CRYBG2: variants seen among roughly 807,000 people sequenced by gnomAD.
CRYBG2 encodes crystallin beta-gamma domain containing 2, also known as beta/gamma crystallin domain-containing protein 2.
Under a neutral mutation model 153.4 loss-of-function variants are expected in CRYBG2, and 106 were observed. The observed-to-expected ratio is 0.69, with a 90% CI of 0.59 to 0.81. CRYBG2 has a LOEUF of 0.81. Among genes scored for constraint, CRYBG2 ranks in the 30% least tolerant of loss-of-function variants. The pLI is 0.00. For synonymous variants in CRYBG2, 851 were observed against 877.8 expected, an observed-to-expected ratio of 0.97 and a Z score of 0.54; for missense variants, 1,996 against 2,112.0, an observed-to-expected ratio of 0.95 and a Z score of 1.08.
Position 26,344,668 on chromosome 1 carries a change from T to G in CRYBG2, c.1990A>C (p.Thr664Pro). The G allele has an allele frequency of 6.5e-7, 1 of 1,533,960 alleles. No homozygotes were observed. The highest frequency in any genetic ancestry group is 8.7e-7 in the Non-Finnish European group (1 of 1,145,544). Residue 664 changes from threonine to proline, a missense_variant, in exon 2 of 20, where the codon ACT becomes CCT. Transcript: ENST00000308182. ...SLAPPLTKEE[T>P]VQGPIAPATS... ...GCAGGAGCAATTGGGCCTTGAACAG[T>G]CTCTTCCTTGGTGAGGGGCGGGGCA... is the stretch of plus-strand genomic sequence containing the variant.
Position 26,331,564 on chromosome 1 carries a change from C to T in CRYBG2, c.4239G>A (p.Glu1413=), listed in dbSNP as rs1230193595. The change falls in exon 15 of 20, where the codon GAG becomes GAA. Residue 1413 remains glutamate, a synonymous_variant. Transcript: ENST00000308182. ...TGGCCGTGAGAGTGGGGAACTCGCC[C>T]TCAGAGAGAATGTGCTGGTCACCCT... is the stretch of plus-strand genomic sequence containing the variant. ...NFEGDQHILS[E]GEFPTLTAMG... 6.2e-7 allele frequency: 1 copy of T among 1,614,122 alleles called. No individual in the cohort carries two copies.
rs1032992275 is a variant in CRYBG2, at chr1:26,322,248, G to A, written c.4813C>T (p.Arg1605Cys). Reference sequence around the variant, plus strand: ...ATGCTCCACGTCTGGCGCGGCAGGCGGCTCTCGGCCCACAGCACCACCTTG... The same window carrying A: ...ATGCTCCACGTCTGGCGCGGCAGGCAGCTCTCGGCCCACAGCACCACCTTG... The part of the protein sequence containing the change: ...GSKVVLWAES[R>C]LPRQTWSISE... Residue 1605 changes from arginine to cysteine, a missense_variant, in exon 19 of 20, where the codon CGC becomes TGC. By Grantham distance (180) the Arg-to-Cys change is radical (BLOSUM62 -3). Coordinates refer to ENST00000308182, the MANE Select transcript of CRYBG2 (RefSeq NM_001039775.4). The A allele has an allele frequency of 9.9e-6, 16 of 1,613,940 alleles. No individual in the cohort carries two copies. Among genetic ancestry groups the A allele is most frequent in the African/African-American group, 2.7e-5 (2 of 74,916 alleles).
In CRYBG2 at chr1:26,344,503, G is replaced by T; in HGVS notation, c.2155C>A (p.Pro719Thr). 1 of 1,546,954 alleles carries T rather than the reference G, an allele frequency of 6.5e-7. No homozygotes were observed. The highest frequency in any genetic ancestry group is 8.7e-7 in the Non-Finnish European group (1 of 1,145,764). ...GGCACTGGGGCAGGGGTGCCTCCTG[G>T]GCTGGGGGACACCCTGTCCACTGAG... ...SSSVDRVSPS[P>T]GGTPAPVPTG... The change falls in exon 2 of 20, where the codon CCA becomes ACA. Residue 719 changes from proline to threonine, a missense_variant. Coordinates refer to ENST00000308182, the MANE Select transcript of CRYBG2 (RefSeq NM_001039775.4).
Position 26,336,543 on chromosome 1 carries a change from G to A in CRYBG2, c.4038+63C>T, listed in dbSNP as rs781664277. 27 of 1,540,444 alleles carry A rather than the reference G, an allele frequency of 1.8e-5. No individual in the cohort carries two copies. The African/African-American group carries it at 2.6e-4, about 15-fold the overall frequency. On this transcript the variant is annotated intron_variant, in intron 12 of 19. Transcript: ENST00000308182. This position sits in a 1 kb window ranked among gnomAD's most constrained non-coding sequence, Gnocchi z 4.9. ...AGCCCGCTACCTCTGCGTGGGGGCG[G>A]GGCGCACCCGAACTCCAGGTCCCGC...
chr1:26,337,029 C>T, intron 10 of CRYBG2, 49 bp from the exon 11 acceptor site: 1 of 1,605,628 alleles, frequency 6.2e-7, no homozygotes, highest in South Asian at 1.1e-5. Flanking sequence ...AACCGAAACC[C>T]CTGGGAGTGC....
intron 14 of CRYBG2, among the ~76,000 whole-genome samples, chr1:26,334,137 C>G (rs1188243929): frequency 6.6e-6 from 1 of 152,112 alleles, no homozygotes; most frequent in Non-Finnish European, 1.5e-5. Flanking sequence ...GAAAACAGAA[C>G]TAGGGCCAGG....
intron 15 of CRYBG2, among the ~76,000 whole-genome samples, chr1:26,329,556 T>G (rs983615220): frequency 6.6e-6 from 1 of 150,806 alleles, no homozygotes; most frequent in Non-Finnish European, 1.5e-5. Context: ...CACGGCTCAC[T>G]GTAGCCTCAA....
chr1:26,342,373 C>T (rs1397546496), intron 5 of CRYBG2, among the ~76,000 whole-genome samples: 4 of 152,130 alleles, frequency 2.6e-5, no homozygotes, highest in African/African-American at 9.7e-5. Flanking sequence ...CACATTAAGC[C>T]CCTCTGCCCA....
rs534605736 is a variant in CRYBG2 at position 26,325,817 on chromosome 1, A to C, written c.4579-1507T>G. On this transcript the variant is annotated intron_variant, in intron 17 of 19. Transcript: ENST00000308182. This position sits in a 1 kb window ranked among gnomAD's most constrained non-coding sequence, Gnocchi z 4.1. Reference sequence around the variant, plus strand: ...AGACATGCAGGCACGGACATACAGAAACACATATGCAGGCAGTGCTTCCCC... The same window carrying C: ...AGACATGCAGGCACGGACATACAGACACACATATGCAGGCAGTGCTTCCCC... 6.6e-6 allele frequency among the ~76,000 whole-genome samples: 1 copy of C among 152,344 alleles called. No homozygotes were observed. Among genetic ancestry groups the C allele is most frequent in the South Asian group, 2.1e-4 (1 of 4,832 alleles).
At chr1:26,352,729 A>G (rs1181266130) in intron 1 of CRYBG2, among the ~76,000 whole-genome samples, 3 of 148,718 alleles carry the variant, frequency 2.0e-5, no homozygotes, top group African/African-American at 7.5e-5. Context: ...GATAGAAACC[A>G]CCTCCCCCCA....
chr1:26,331,428 G>A, intron 15 of CRYBG2, 61 bp downstream of exon 15: 1 of 1,586,974 alleles, frequency 6.3e-7, no homozygotes, highest in African/African-American at 1.3e-5. Context: ...TCTGTGTCCA[G>A]AAGTCCCACA....
chr1:26,334,925 A>C (rs906598194), intron 14 of CRYBG2, among the ~76,000 whole-genome samples: 7 of 145,916 alleles, frequency 4.8e-5, no homozygotes, highest in Admixed American at 1.4e-4. Flanking sequence ...CCATCTCAAA[A>C]AAACAAACAA....
rs2074157261 is a variant in CRYBG2 at position 26,343,346 on chromosome 1, C to T, written c.2914-53G>A. 9.1e-6 allele frequency: 14 copies of T among 1,534,336 alleles called. No individual in the cohort carries two copies. The highest frequency in any genetic ancestry group is 1.1e-5 in the Non-Finnish European group (13 of 1,132,674). On this transcript the variant is annotated intron_variant, in intron 2 of 19. Coordinates refer to ENST00000308182, the MANE Select transcript of CRYBG2 (RefSeq NM_001039775.4). This position sits in a 1 kb window ranked among gnomAD's most constrained non-coding sequence, Gnocchi z 4.1. ...TCCTGTGGGGTCACCTCTTTTCTGC[C>T]TCCCCACAACCCGCCATTCCAAGGA... is the stretch of plus-strand genomic sequence containing the variant.
rs549028022 is a variant in CRYBG2, at chr1:26,345,952, T to C, written c.706A>G (p.Lys236Glu). 42 of 1,594,712 alleles carry C rather than the reference T, an allele frequency of 2.6e-5. 3 individuals are homozygous for C. In the South Asian group the frequency reaches 4.2e-4, roughly 16 times the overall value. ...GCAGGCACGAGGTTACTTAGCACTT[T>C]CACGGCCTGGCTGCGGCTGGGCGAG... Reference protein sequence around the residue: ...PGSPSRSQAVKVLSNLVPAGH... With the variant: ...PGSPSRSQAVEVLSNLVPAGH... Residue 236 changes from lysine (K) to glutamate (E), a missense_variant, in exon 2 of 20, where the codon AAA becomes GAA. Lys to Glu is a moderately conservative substitution (Grantham distance 56). Coordinates refer to ENST00000308182, the MANE Select transcript of CRYBG2 (RefSeq NM_001039775.4).
chr1:26,353,409 G>GC (rs909610382), intron 1 of CRYBG2, among the ~76,000 whole-genome samples: 2 of 151,842 alleles, frequency 1.3e-5, no homozygotes, highest in African/African-American at 4.8e-5. Context: ...CCACCTCTGC[G>GC]CCCCCCAGGC....
rs543757059 is a variant in CRYBG2 at position 26,328,847 on chromosome 1, C to T, written c.4341G>A (p.Leu1447=). The T allele has an allele frequency of 1.2e-6, 2 of 1,614,102 alleles. No homozygotes were observed. Among genetic ancestry groups the T allele is most frequent in the Admixed American group, 1.7e-5 (1 of 59,984 alleles). The change falls in exon 16 of 20, where the codon CTG becomes CTA. Residue 1447 remains leucine (L), a synonymous_variant. Coordinates refer to ENST00000308182, the MANE Select transcript of CRYBG2 (RefSeq NM_001039775.4). ...TCCCCTCGAAGCACTCGAGTCCATA[C>T]AGGAAAATGGAAGGCTCTGAAAAGT... ...SLHFSEPSIF[L]YGLECFEGKE...
chr1:26,346,847 C>A lies in CRYBG2; in HGVS notation c.-55-135G>T. On this transcript the variant is annotated intron_variant, in intron 1 of 19. Transcript: ENST00000308182. This position sits in a 1 kb window ranked among gnomAD's most constrained non-coding sequence, Gnocchi z 4.9. Reference sequence around the variant, plus strand: ...TGGCCTTTTTGGGCCATTGCTTTCTCATCTGTGAAATGGGCATGGTAGTCT... The same window carrying A: ...TGGCCTTTTTGGGCCATTGCTTTCTAATCTGTGAAATGGGCATGGTAGTCT... The A allele has an allele frequency of 1.7e-6, 1 of 580,776 alleles. No homozygotes were observed. The highest frequency in any genetic ancestry group is 3.0e-6 in the Non-Finnish European group (1 of 336,208). 36.0% of individuals were successfully genotyped at this position (580,776 alleles called of 1,614,324 possible).
At chr1:26,324,656 C>G (rs890423994) in intron 17 of CRYBG2, 1 of 190,072 alleles carries the variant, frequency 5.3e-6, no homozygotes, top group African/African-American at 2.3e-5. Context: ...ATACATGCAG[C>G]CATCCAACTC....
At chr1:26,340,690 G>A (rs556971207) in intron 5 of CRYBG2, among the ~76,000 whole-genome samples, 39 of 152,118 alleles carry the variant, frequency 2.6e-4, no homozygotes, top group African/African-American at 4.1e-4. Context: ...TTGGCTCACC[G>A]AAACCTCTGC....
Sources: gnomAD v4.1 joint callset for allele counts (sites outside exome capture counted in the v4.1 genomes callset) on GRCh38, gnomAD v4.1.1 for gene constraint, Gnocchi (gnomAD v3.1) non-coding constraint, MANE v1.5 for transcripts, NCBI Gene and HGNC (gene_info 2026-07-23, HGNC 2026-07-21) for gene names.